Variants in MTF2 observed in about 807,000 individuals in gnomAD.
MTF2 encodes metal response element binding transcription factor 2, also known as metal-response element-binding transcription factor 2.
MTF2 carries 11 observed loss-of-function variants against 79.5 expected under a neutral mutation model. The ratio of observed to expected loss-of-function variants is 0.14; its 90% CI spans 0.09 to 0.23. MTF2 has a LOEUF of 0.23. MTF2 is among the 10% of genes least tolerant of loss of function. The pLI, the probability that MTF2 is intolerant of heterozygous loss-of-function variation, is 1.00. For missense variants in MTF2, 486 were observed against 711.2 expected, an observed-to-expected ratio of 0.68 and a Z score of 3.60; for synonymous variants, 208 against 232.8, an observed-to-expected ratio of 0.89 and a Z score of 0.97.
At chr1:93,079,617 G>T in intron 1 of MTF2, 86 bp downstream of exon 1, 7 of 1,514,214 alleles carry the variant, frequency 4.6e-6, no homozygotes, top group African/African-American at 1.4e-5. Flanking sequence ...GTATAAAAGG[G>T]AAAGATGGAG....
At chr1:93,121,961 C>G (rs1656502524) in intron 9 of MTF2, among the ~76,000 whole-genome samples, 1 of 152,020 alleles carries the variant, frequency 6.6e-6, no homozygotes. Context: ...GCCACCATAC[C>G]CAGCTAATTT....
intron 1 of MTF2, among the ~76,000 whole-genome samples, chr1:93,083,605 A>T (rs1654707171): frequency 6.6e-6 from 1 of 152,148 alleles, no homozygotes; most frequent in Non-Finnish European, 1.5e-5. Flanking sequence ...ACTGGGTCAG[A>T]TGATAACTCG....
chr1:93,082,424 GTGCACAC>G (rs2101009898), intron 1 of MTF2, among the ~76,000 whole-genome samples: 1 of 152,032 alleles, frequency 6.6e-6, no homozygotes, highest in Admixed American at 6.6e-5. Flanking sequence ...AGGACTACAG[GTGCACAC>G]CACCACACCT....
chr1:93,094,068 G>T (rs1306781418), intron 1 of MTF2, among the ~76,000 whole-genome samples: 1 of 152,070 alleles, frequency 6.6e-6, no homozygotes, highest in East Asian at 1.9e-4. Context: ...TAGTATCTTT[G>T]TCCTTGATTT....
At chr1:93,092,021 C>T (rs1655093564) in intron 1 of MTF2, among the ~76,000 whole-genome samples, 1 of 152,008 alleles carries the variant, frequency 6.6e-6, no homozygotes, top group Admixed American at 6.6e-5. Context: ...TAATTTTTTC[C>T]CCACCTTTTT....
intron 3 of MTF2, among the ~76,000 whole-genome samples, chr1:93,111,210 A>G (rs1656015586): frequency 6.6e-6 from 1 of 152,186 alleles, no homozygotes; most frequent in South Asian, 2.1e-4. Context: ...TCATGCTTTT[A>G]GCATCTGCTA....
At chr1:93,126,727 A>C (rs1474429427) in intron 9 of MTF2, among the ~76,000 whole-genome samples, 1 of 152,074 alleles carries the variant, frequency 6.6e-6, no homozygotes, top group African/African-American at 2.4e-5. Context: ...AGATCTCTCA[A>C]TTTTACAGTA....
chr1:93,080,015 T>A (rs1246856642), intron 1 of MTF2, among the ~76,000 whole-genome samples: 1 of 151,618 alleles, frequency 6.6e-6, no homozygotes, highest in Non-Finnish European at 1.5e-5. Context: ...TGGAATTGTA[T>A]GGAATTGGAG....
At chr1:93,088,294 G>C (rs1186010304) in intron 1 of MTF2, among the ~76,000 whole-genome samples, 1 of 152,074 alleles carries the variant, frequency 6.6e-6, no homozygotes, top group Admixed American at 6.6e-5. Context: ...TTTATCTGTG[G>C]TTTTAATGTA....
In MTF2 at chr1:93,133,803, CT is replaced by C; in HGVS notation, c.1265del (p.Leu422TrpfsTer18). ...AATGATTCAAAAAACTGCTGAGCCA[CT>C]TTTGGTAAGAGGATATGTTGGTATA... Reference protein sequence around the residue: ...RKMIQKTAEPLLDKESISENP... With the variant: ...RKMIQKTAEPXLDKESISENP... On this transcript the variant is annotated frameshift_variant, in exon 12 of 15. Coordinates refer to ENST00000370298, the MANE Select transcript of MTF2 (RefSeq NM_007358.4). LOFTEE classifies it high-confidence loss of function. 1 of 1,601,886 alleles carries C rather than the reference CT, an allele frequency of 6.2e-7. No individual in the cohort carries two copies. The highest frequency in any genetic ancestry group is 8.5e-7 in the Non-Finnish European group (1 of 1,170,528).
At chr1:93,121,523 A>G in intron 9 of MTF2, 1 of 984,932 alleles carries the variant, frequency 1.0e-6, no homozygotes, top group Non-Finnish European at 1.2e-6. Context: ...TGTAGCTTTG[A>G]GACACGAAGG....
intron 9 of MTF2, among the ~76,000 whole-genome samples, chr1:93,122,045 G>T (rs888311602): frequency 1.3e-5 from 2 of 151,984 alleles, no homozygotes; most frequent in African/African-American, 4.8e-5. Context: ...TAAGTGATCC[G>T]CCCACCTTGG....
intron 5 of MTF2, 104 bp downstream of exon 5, chr1:93,115,192 G>T (rs926288965): frequency 2.3e-6 from 2 of 879,512 alleles, no homozygotes; most frequent in Non-Finnish European, 3.5e-6. Flanking sequence ...AATGAGCAAT[G>T]AATGCTGGGT....
intron 1 of MTF2, among the ~76,000 whole-genome samples, chr1:93,092,461 A>G (rs1325972861): frequency 1.3e-5 from 2 of 152,202 alleles, no homozygotes; most frequent in Non-Finnish European, 2.9e-5. Context: ...CTTTTTTACC[A>G]AAACAATGTA....
chr1:93,123,770 C>T (rs190503978), intron 9 of MTF2, among the ~76,000 whole-genome samples: 1 of 147,794 alleles, frequency 6.8e-6, no homozygotes, highest in East Asian at 2.0e-4. Flanking sequence ...GTCCCCCCCC[C>T]CTTTTTTTAA....
chr1:93,094,484 A>G (rs1557543673), intron 1 of MTF2, among the ~76,000 whole-genome samples: 1 of 151,548 alleles, frequency 6.6e-6, no homozygotes, highest in East Asian at 1.9e-4. Context: ...ATGTTTTAAG[A>G]TTTTTTTTCA....
At chr1:93,084,573 A>G (rs1457042787) in intron 1 of MTF2, among the ~76,000 whole-genome samples, 1 of 152,204 alleles carries the variant, frequency 6.6e-6, no homozygotes, top group East Asian at 1.9e-4. Context: ...CTATAGATTG[A>G]TTTGGGAAGA....
intron 3 of MTF2, among the ~76,000 whole-genome samples, chr1:93,113,835 TCAAGATCCTA>T (rs1656137685): frequency 1.3e-5 from 2 of 152,018 alleles, no homozygotes; most frequent in Non-Finnish European, 2.9e-5. Context: ...ACAAAATATA[TCAAGATCCTA>T]CACAGTGCTT....
Position 93,137,206 on chromosome 1 carries a change from A to G in MTF2, c.*179A>G, listed in dbSNP as rs539156725. 2 of 479,578 alleles carry G rather than the reference A, an allele frequency of 4.2e-6. No individual in the cohort carries two copies. Among genetic ancestry groups the G allele is most frequent in the Non-Finnish European group, 7.3e-6 (2 of 274,754 alleles). 29.7% of individuals were successfully genotyped at this position (479,578 alleles called of 1,614,324 possible). A position where few individuals can be genotyped will look rare whatever the true frequency, so the allele number is the denominator to read the frequency against. On this transcript the variant is annotated 3_prime_UTR_variant, in exon 15 of 15. Coordinates refer to ENST00000370298, the MANE Select transcript of MTF2 (RefSeq NM_007358.4). ...GTCAATGTTATGGATATTGTCATAA[A>G]AAGGTATCTTTTAAAAATCAGAACA...
Sources: gnomAD v4.1 joint callset for allele counts (sites outside exome capture counted in the v4.1 genomes callset) on GRCh38, gnomAD v4.1.1 for gene constraint, MANE v1.5 for transcripts, NCBI Gene and HGNC (gene_info 2026-07-23, HGNC 2026-07-21) for gene names.